Variants in NELL2 observed in about 807,000 individuals in gnomAD.
The protein encoded by NELL2 is neural EGFL like 2.
Under a neutral mutation model 109.6 loss-of-function variants are expected in NELL2, and 41 were observed. That is an observed-to-expected ratio of 0.37 (90% CI 0.29 to 0.49). NELL2 has a LOEUF of 0.49. Among genes scored for constraint, NELL2 ranks in the 20% least tolerant of loss-of-function variants. NELL2 has a pLI of 0.98. For synonymous variants in NELL2, 355 were observed against 344.7 expected, an observed-to-expected ratio of 1.03 and a Z score of -0.33; for missense variants, 900 against 1,008.3, an observed-to-expected ratio of 0.89 and a Z score of 1.45.
At chr12:44,859,071 C>G (rs1444098256) in intron 2 of NELL2, among the ~76,000 whole-genome samples, 1 of 152,154 alleles carries the variant, frequency 6.6e-6, no homozygotes, top group Non-Finnish European at 1.5e-5. Flanking sequence ...TCCTAGTTTT[C>G]TAATCATTCT....
chr12:44,807,333 AC>A, intron 3 of NELL2, among the ~76,000 whole-genome samples: 1 of 16,642 alleles, frequency 6.0e-5, no homozygotes, highest in African/African-American at 1.7e-4. Context: ...TGCTCTTTAC[AC>A]ACACACACAC....
intron 2 of NELL2, among the ~76,000 whole-genome samples, chr12:44,848,100 G>A (rs940399906): frequency 2.6e-5 from 4 of 151,614 alleles, no homozygotes; most frequent in Non-Finnish European, 4.4e-5. Flanking sequence ...GATGATGGCT[G>A]TGGGGGCTGC....
intron 2 of NELL2, among the ~76,000 whole-genome samples, chr12:44,857,109 G>A (rs578200939): frequency 1.3e-5 from 2 of 152,272 alleles, no homozygotes; most frequent in South Asian, 2.1e-4. Flanking sequence ...ACCAAAGGAA[G>A]AATTTGTAGC....
chr12:44,741,344 G>A (rs1370193683), intron 9 of NELL2, among the ~76,000 whole-genome samples: 1 of 152,062 alleles, frequency 6.6e-6, no homozygotes, highest in East Asian at 1.9e-4. Context: ...TGGCCAAATA[G>A]GAACAGCTCT....
intron 12 of NELL2, among the ~76,000 whole-genome samples, chr12:44,686,704 G>A (rs1024631065): frequency 6.6e-6 from 1 of 151,972 alleles, no homozygotes; most frequent in East Asian, 1.9e-4. Flanking sequence ...CCTGCTGGGG[G>A]GTGCCTCCCA....
At chr12:44,772,719 G>A (rs1246646972) in intron 9 of NELL2, among the ~76,000 whole-genome samples, 1 of 151,976 alleles carries the variant, frequency 6.6e-6, no homozygotes, top group Non-Finnish European at 1.5e-5. Context: ...ATCATTAAAT[G>A]TGAACAGAAA....
intron 15 of NELL2, among the ~76,000 whole-genome samples, chr12:44,588,443 A>C (rs554869546): frequency 6.6e-6 from 1 of 152,256 alleles, no homozygotes; most frequent in African/African-American, 2.4e-5. Flanking sequence ...GAGGCCCCTC[A>C]GACTGCCAAA....
intron 2 of NELL2, among the ~76,000 whole-genome samples, chr12:44,839,679 C>T (rs762231523): frequency 2.6e-5 from 4 of 152,036 alleles, no homozygotes; most frequent in African/African-American, 7.2e-5. Flanking sequence ...GTGAAGTGTT[C>T]GCTTGAGGGC....
At chr12:44,857,141 T>C (rs1944707333) in intron 2 of NELL2, among the ~76,000 whole-genome samples, 1 of 152,052 alleles carries the variant, frequency 6.6e-6, no homozygotes, top group South Asian at 2.1e-4. Flanking sequence ...CCTACCTGAA[T>C]CCTGAATGAT....
chr12:44,829,968 T>C (rs1238185231), intron 2 of NELL2, among the ~76,000 whole-genome samples: 2 of 152,098 alleles, frequency 1.3e-5, no homozygotes, highest in African/African-American at 4.8e-5. Context: ...TAGTCCCTAA[T>C]AGGAAAAAAA....
At chr12:44,621,094 A>G (rs1017147113) in intron 13 of NELL2, among the ~76,000 whole-genome samples, 1 of 152,066 alleles carries the variant, frequency 6.6e-6, no homozygotes, top group Non-Finnish European at 1.5e-5. Context: ...TCTAGTAGTA[A>G]TATCACTTGT....
At chr12:44,810,339 C>T (rs568106579) in intron 3 of NELL2, among the ~76,000 whole-genome samples, 2 of 152,046 alleles carry the variant, frequency 1.3e-5, no homozygotes, top group African/African-American at 2.4e-5. Flanking sequence ...ACAAATTCAC[C>T]TGAGAAAAGG....
At chr12:44,826,083 T>C (rs998783927) in intron 2 of NELL2, among the ~76,000 whole-genome samples, 4 of 151,964 alleles carry the variant, frequency 2.6e-5, no homozygotes, top group African/African-American at 9.7e-5. Context: ...AATTTGTGTG[T>C]TAGTAGTAAA....
chr12:44,705,242 G>A (rs1449997373), intron 11 of NELL2, among the ~76,000 whole-genome samples: 1 of 151,746 alleles, frequency 6.6e-6, no homozygotes, highest in Non-Finnish European at 1.5e-5. Flanking sequence ...AATATTATTG[G>A]TACAACTTAA....
At chr12:44,855,052 T>C (rs1307412049) in intron 2 of NELL2, among the ~76,000 whole-genome samples, 1 of 152,156 alleles carries the variant, frequency 6.6e-6, no homozygotes, top group Non-Finnish European at 1.5e-5. Flanking sequence ...TTCCAACATA[T>C]AACCAACATA....
intron 12 of NELL2, among the ~76,000 whole-genome samples, chr12:44,684,552 A>T (rs558228407): frequency 2.2e-4 from 33 of 152,022 alleles, no homozygotes; most frequent in Non-Finnish European, 3.1e-4. Context: ...CTTGTGGGCA[A>T]TTAGTGTTAT....
At chr12:44,634,586 T>G (rs549976455) in intron 13 of NELL2, among the ~76,000 whole-genome samples, 5 of 152,250 alleles carry the variant, frequency 3.3e-5, no homozygotes, top group Non-Finnish European at 5.9e-5. Context: ...TGGGCATTTG[T>G]GTTGGTTCCA....
intron 3 of NELL2, among the ~76,000 whole-genome samples, chr12:44,804,779 A>C (rs1942945206): frequency 6.6e-6 from 1 of 151,892 alleles, no homozygotes; most frequent in Non-Finnish European, 1.5e-5. Flanking sequence ...ATCAGTGCAT[A>C]TGAATGTATG....
chr12:44,758,092 G>T (rs971036755), intron 9 of NELL2, among the ~76,000 whole-genome samples: 1 of 151,714 alleles, frequency 6.6e-6, no homozygotes, highest in Non-Finnish European at 1.5e-5. Flanking sequence ...CACACACAAG[G>T]TATATGAAAA....
Sources: allele counts gnomAD v4.1 joint callset (sites outside exome capture counted in the v4.1 genomes callset), GRCh38; gene constraint gnomAD v4.1.1; transcripts MANE v1.5; gene names NCBI Gene and HGNC (gene_info 2026-07-23, HGNC 2026-07-21).